The following ITGA9 variants were observed in gnomAD, a reference collection of about 807,000 sequenced individuals.
ITGA9 encodes the protein integrin subunit alpha 9.
A neutral mutation model predicts 127.8 loss-of-function variants in ITGA9; 56 were observed. The ratio of observed to expected loss-of-function variants is 0.44; its 90% CI spans 0.35 to 0.55. The LOEUF (loss-of-function observed/expected upper bound fraction) is 0.55, where lower values mean the gene tolerates loss of function less well. Ranked by LOEUF, ITGA9 falls within the 20% of genes least tolerant of loss-of-function variation. The pLI is 0.00. For synonymous variants in ITGA9, 508 were observed against 514.5 expected, an observed-to-expected ratio of 0.99 and a Z score of 0.17; for missense variants, 1,196 against 1,347.1, an observed-to-expected ratio of 0.89 and a Z score of 1.76.
intron 18 of ITGA9, among the ~76,000 whole-genome samples, chr3:37,695,335 G>C (rs931742349): frequency 6.6e-6 from 1 of 152,180 alleles, no homozygotes; most frequent in Admixed American, 6.5e-5. Flanking sequence ...AGCATTGGGT[G>C]GGGCATTGAA....
chr3:37,476,324 A>G (rs763850906), intron 3 of ITGA9, among the ~76,000 whole-genome samples: 15 of 151,976 alleles, frequency 9.9e-5, no homozygotes, highest in South Asian at 4.1e-4. Context: ...AAGGGTTTCA[A>G]TGGCTCCACG....
intron 8 of ITGA9, among the ~76,000 whole-genome samples, chr3:37,510,480 C>G (rs566652162): frequency 8.9e-4 from 135 of 152,238 alleles, no homozygotes; most frequent in African/African-American, 2.4e-3. Context: ...TGCCCTCTCT[C>G]CTCCTTGAAA....
At chr3:37,479,843 G>A (rs970421899) in intron 3 of ITGA9, among the ~76,000 whole-genome samples, 4 of 152,166 alleles carry the variant, frequency 2.6e-5, no homozygotes, top group Non-Finnish European at 4.4e-5. Context: ...TTGATACATG[G>A]TGCTCTTGTA....
At chr3:37,735,003 G>A (rs908213056) in intron 19 of ITGA9, among the ~76,000 whole-genome samples, 11 of 152,200 alleles carry the variant, frequency 7.2e-5, no homozygotes, top group East Asian at 1.9e-4. Flanking sequence ...CCCCGTATCC[G>A]CAGCCCAGCG....
intron 23 of ITGA9, among the ~76,000 whole-genome samples, chr3:37,776,178 T>C (rs2844387): frequency 0.98 from 149,601 of 152,282 alleles, 73,536 homozygotes; most frequent in Middle Eastern, 1. Context: ...CTGGAGTCTA[T>C]TTGAGAATGG....
At chr3:37,465,107 A>G (rs1449525248) in intron 1 of ITGA9, among the ~76,000 whole-genome samples, 1 of 152,216 alleles carries the variant, frequency 6.6e-6, no homozygotes, top group African/African-American at 2.4e-5. Context: ...GCTGTCCTTG[A>G]TCTGGCTATA....
chr3:37,695,287 G>A (rs576953135), intron 18 of ITGA9, among the ~76,000 whole-genome samples: 14 of 152,330 alleles, frequency 9.2e-5, no homozygotes, highest in African/African-American at 2.9e-4. Context: ...GCCAAACGAA[G>A]ACTGAAGCCA....
chr3:37,649,569 C>T (rs1011699178), intron 16 of ITGA9, among the ~76,000 whole-genome samples: 5 of 152,150 alleles, frequency 3.3e-5, no homozygotes, highest in Non-Finnish European at 7.3e-5. Flanking sequence ...TAAGTATATA[C>T]AACACTGACA....
chr3:37,622,268 T>C, intron 15 of ITGA9, among the ~76,000 whole-genome samples: 1 of 152,052 alleles, frequency 6.6e-6, no homozygotes, highest in Non-Finnish European at 1.5e-5. Flanking sequence ...TTTTGTATTT[T>C]TTAGTAGAGA....
intron 21 of ITGA9, among the ~76,000 whole-genome samples, chr3:37,742,859 A>T (rs1696455180): frequency 6.6e-6 from 1 of 152,218 alleles, no homozygotes; most frequent in Non-Finnish European, 1.5e-5. Flanking sequence ...CTGATGGAAT[A>T]TATTTGCAAA....
chr3:37,634,750 G>A (rs1475165660), intron 16 of ITGA9, among the ~76,000 whole-genome samples: 3 of 152,022 alleles, frequency 2.0e-5, no homozygotes, highest in Non-Finnish European at 4.4e-5. Flanking sequence ...GAATAAATAC[G>A]TCTAACAGAC....
chr3:37,465,038 G>T (rs1698355103), intron 1 of ITGA9, among the ~76,000 whole-genome samples: 1 of 152,260 alleles, frequency 6.6e-6, no homozygotes, highest in Admixed American at 6.5e-5. Context: ...GGAAGCTTTG[G>T]CTTTGGGATC....
chr3:37,734,721 A>G (rs1383097929), intron 19 of ITGA9, among the ~76,000 whole-genome samples: 2 of 152,158 alleles, frequency 1.3e-5, no homozygotes, highest in Non-Finnish European at 2.9e-5. Context: ...TGAACTCCTG[A>G]CCTCAAGTGA....
At chr3:37,709,221 C>A (rs192314635) in intron 18 of ITGA9, among the ~76,000 whole-genome samples, 16 of 152,236 alleles carry the variant, frequency 1.1e-4, no homozygotes, top group African/African-American at 3.6e-4. Flanking sequence ...TTATTTTTGT[C>A]TAATTCTTCT....
At chr3:37,633,710 G>A (rs956295725) in intron 16 of ITGA9, among the ~76,000 whole-genome samples, 11 of 152,092 alleles carry the variant, frequency 7.2e-5, no homozygotes, top group Non-Finnish European at 1.3e-4. Flanking sequence ...AAGCCACTGC[G>A]GTATTAACAC....
chr3:37,544,021 A>G (rs1699302063), intron 15 of ITGA9, among the ~76,000 whole-genome samples: 1 of 152,202 alleles, frequency 6.6e-6, no homozygotes, highest in Non-Finnish European at 1.5e-5. Flanking sequence ...GCTCGTATGC[A>G]AACACTGTCA....
At chr3:37,676,150 CAT>C (rs1362148715) in intron 17 of ITGA9, among the ~76,000 whole-genome samples, 1 of 152,124 alleles carries the variant, frequency 6.6e-6, no homozygotes, top group Non-Finnish European at 1.5e-5. Flanking sequence ...ACAAATCAAC[CAT>C]ATTATATCGT....
At position 37,598,098 on chromosome 3, in the gene ITGA9, A is replaced by G. The variant is rs1297766694; in HGVS notation, c.1690-31089A>G. 2.6e-5 allele frequency among the ~76,000 whole-genome samples: 4 copies of G among 152,368 alleles called. No homozygotes were observed. In the East Asian group the frequency reaches 5.8e-4, roughly 22 times the overall value. On this transcript the variant is annotated intron_variant, in intron 15 of 27. Transcript: ENST00000264741. ...GTGGCTTAATGTCTTTATCTGTAAA[A>G]TGGGGCTAGGAAAATTTATCTCACT... is the stretch of plus-strand genomic sequence containing the variant.
intron 26 of ITGA9, among the ~76,000 whole-genome samples, chr3:37,793,587 A>G (rs903343643): frequency 2.6e-5 from 4 of 152,090 alleles, no homozygotes; most frequent in African/African-American, 9.7e-5. Context: ...CAGGCATTCA[A>G]GATGAAGTCA....
Sources: gnomAD v4.1 joint callset for allele counts (sites outside exome capture counted in the v4.1 genomes callset) on GRCh38, gnomAD v4.1.1 for gene constraint, MANE v1.5 for transcripts, NCBI Gene and HGNC (gene_info 2026-07-23, HGNC 2026-07-21) for gene names.